The following RAB27B variants were observed in gnomAD, a reference collection of about 807,000 sequenced individuals.
RAB27B encodes the protein ras-related protein Rab-27B.
Under a neutral mutation model 24.6 loss-of-function variants are expected in RAB27B, and 15 were observed. The observed-to-expected ratio is 0.61, with a 90% CI of 0.41 to 0.94. The LOEUF (loss-of-function observed/expected upper bound fraction) is 0.94. Among genes scored for constraint, RAB27B ranks in the 40% least tolerant of loss-of-function variants. The probability of loss-of-function intolerance (pLI) is 0.00; values close to 1 mark genes in which losing one functional copy is unlikely to be tolerated. For synonymous variants in RAB27B, 105 were observed against 92.5 expected, an observed-to-expected ratio of 1.14 and a Z score of -0.78; for missense variants, 261 against 266.8, an observed-to-expected ratio of 0.98 and a Z score of 0.15.
chr18:54,875,429 C>T (rs1413810742), intron 1 of RAB27B, among the ~76,000 whole-genome samples: 1 of 152,168 alleles, frequency 6.6e-6, no homozygotes. Flanking sequence ...ATAATTGAGA[C>T]ATGTGTATCC....
chr18:54,887,070 C>A (rs1385686361), intron 4 of RAB27B, among the ~76,000 whole-genome samples: 1 of 135,988 alleles, frequency 7.4e-6, no homozygotes, highest in African/African-American at 2.8e-5. Context: ...CTCCCTCCCT[C>A]CTCTTTCTCT....
chr18:54,846,969 G>C (rs963203790), intron 1 of RAB27B, among the ~76,000 whole-genome samples: 3 of 152,044 alleles, frequency 2.0e-5, no homozygotes, highest in African/African-American at 4.8e-5. Context: ...TCCTGCCTCA[G>C]CCTCCCAAGT....
intron 2 of RAB27B, among the ~76,000 whole-genome samples, chr18:54,739,333 G>A (rs1285404749): frequency 6.6e-6 from 1 of 151,660 alleles, no homozygotes; most frequent in Non-Finnish European, 1.5e-5. Flanking sequence ...GTGGGTGCCT[G>A]TAATCCCATC....
At chr18:54,777,544 C>T (rs1908754908) in intron 2 of RAB27B, among the ~76,000 whole-genome samples, 1 of 152,176 alleles carries the variant, frequency 6.6e-6, no homozygotes, top group Non-Finnish European at 1.5e-5. Context: ...ATGTGTGGAG[C>T]AGCATGGAAA....
chr18:54,878,906 T>G (rs192057843), intron 2 of RAB27B, among the ~76,000 whole-genome samples: 1 of 152,148 alleles, frequency 6.6e-6, no homozygotes, highest in Admixed American at 6.6e-5. Flanking sequence ...GTAAAAGATA[T>G]TCGGATATTT....
Position 54,884,399 on chromosome 18 carries a change from C to T in RAB27B, c.306C>T (p.Thr102=). The T allele has an allele frequency of 6.2e-7, 1 of 1,612,410 alleles. No individual in the cohort carries two copies. Among genetic ancestry groups the T allele is most frequent in the Non-Finnish European group, 8.5e-7 (1 of 1,178,704 alleles). Residue 102 remains threonine, a synonymous_variant, in exon 4 of 6, where the codon ACC becomes ACT. Transcript: ENST00000262094. ...GCTTCTTATTAATGTTTGACCTCAC[C>T]AGTCAACAGAGCTTCTTAAATGTCA... is the stretch of plus-strand genomic sequence containing the variant. ...AMGFLLMFDL[T]SQQSFLNVRN...
chr18:54,873,685 CTGTGTG>C (rs56409312), intron 1 of RAB27B, among the ~76,000 whole-genome samples: 7,983 of 140,768 alleles, frequency 0.057, 254 homozygotes, highest in Middle Eastern at 0.12. Context: ...GAGCCAAATC[CTGTGTG>C]TGTGTGTGTG....
chr18:54,772,831 T>C (rs1290834394), intron 2 of RAB27B, among the ~76,000 whole-genome samples: 1 of 152,234 alleles, frequency 6.6e-6, no homozygotes, highest in African/African-American at 2.4e-5. Context: ...CTACCTTGTA[T>C]ATTGCATTGC....
chr18:54,823,604 C>T (rs1195238469), upstream of RAB27B, among the ~76,000 whole-genome samples: 1 of 152,180 alleles, frequency 6.6e-6, no homozygotes, highest in Non-Finnish European at 1.5e-5. Context: ...TTCTGCACTG[C>T]ATCCCCCATA....
At chr18:54,805,790 T>G in intron 2 of RAB27B, among the ~76,000 whole-genome samples, 1 of 152,226 alleles carries the variant, frequency 6.6e-6, no homozygotes, top group Non-Finnish European at 1.5e-5. Flanking sequence ...AAGTTCCTAC[T>G]TTGAAGATCA....
intron 2 of RAB27B, among the ~76,000 whole-genome samples, chr18:54,764,985 A>G (rs1165604158): frequency 6.6e-6 from 1 of 152,152 alleles, no homozygotes; most frequent in African/African-American, 2.4e-5. Context: ...TTTATTCACA[A>G]TCATTTGTTA....
At chr18:54,791,232 AAG>A (rs1415247379) in intron 2 of RAB27B, among the ~76,000 whole-genome samples, 1 of 152,092 alleles carries the variant, frequency 6.6e-6, no homozygotes, top group African/African-American at 2.4e-5. Flanking sequence ...AGAAGAAAGA[AAG>A]AGTAAAGAAA....
At chr18:54,720,530 T>C (rs1909327542) in intron 2 of RAB27B, among the ~76,000 whole-genome samples, 1 of 152,112 alleles carries the variant, frequency 6.6e-6, no homozygotes, top group Non-Finnish European at 1.5e-5. Flanking sequence ...AGATTTTACA[T>C]TATTTCTACA....
At chr18:54,758,319 G>T (rs2145045511) in intron 2 of RAB27B, among the ~76,000 whole-genome samples, 1 of 152,204 alleles carries the variant, frequency 6.6e-6, no homozygotes, top group South Asian at 2.1e-4. Flanking sequence ...ATTATGTTTA[G>T]GGCATTGTGT....
intron 2 of RAB27B, chr18:54,744,664 A>G (rs1405596804): frequency 6.6e-6 from 1 of 152,260 alleles, no homozygotes; most frequent in African/African-American, 2.4e-5. Flanking sequence ...GTTAAAAATA[A>G]TAGTAGCCTT....
At chr18:54,830,229 C>G (rs537348481) in intron 1 of RAB27B, among the ~76,000 whole-genome samples, 11 of 152,310 alleles carry the variant, frequency 7.2e-5, no homozygotes, top group African/African-American at 2.6e-4. Flanking sequence ...GTTTACACTA[C>G]AACTGTATGT....
intron 2 of RAB27B, among the ~76,000 whole-genome samples, chr18:54,813,509 G>C (rs1910031573): frequency 6.6e-6 from 1 of 152,174 alleles, no homozygotes; most frequent in African/African-American, 2.4e-5. Flanking sequence ...AGATCTGATT[G>C]TTTCAAAGAG....
intron 2 of RAB27B, among the ~76,000 whole-genome samples, chr18:54,789,734 A>C (rs757301785): frequency 6.6e-6 from 1 of 152,146 alleles, no homozygotes; most frequent in Non-Finnish European, 1.5e-5. Context: ...TAATATAACT[A>C]ACATATCACA....
At chr18:54,746,333 G>A (rs1378743840) in intron 2 of RAB27B, among the ~76,000 whole-genome samples, 1 of 152,170 alleles carries the variant, frequency 6.6e-6, no homozygotes, top group Admixed American at 6.5e-5. Flanking sequence ...TTTCTGGACG[G>A]TAAGAATGTT....
Sources: allele counts gnomAD v4.1 joint callset (sites outside exome capture counted in the v4.1 genomes callset), GRCh38; gene constraint gnomAD v4.1.1; transcripts MANE v1.5; gene names NCBI Gene and HGNC (gene_info 2026-07-23, HGNC 2026-07-21).